The following NCOR2 variants were observed in gnomAD, a reference collection of about 807,000 sequenced individuals.
The protein encoded by NCOR2 is CTG repeat protein 26.
In NCOR2, 81 loss-of-function variants were observed where a neutral mutation model predicts 262.9. The observed-to-expected ratio is 0.31, with a 90% CI of 0.26 to 0.37. The LOEUF (loss-of-function observed/expected upper bound fraction) is 0.37, where lower values mean the gene tolerates loss of function less well. Ranked by LOEUF, NCOR2 falls within the 10% of genes least tolerant of loss-of-function variation. NCOR2 has a pLI of 1.00. For synonymous variants in NCOR2, 1,659 were observed against 1,559.3 expected (o/e 1.06, Z -1.51); for missense variants, 3,385 against 3,621.4 (o/e 0.93, Z 1.68).
At chr12:124,415,796 T>C (rs1176752236) in intron 13 of NCOR2, among the ~76,000 whole-genome samples, 1 of 152,136 alleles carries the variant, frequency 6.6e-6, no homozygotes, top group Non-Finnish European at 1.5e-5. Flanking sequence ...AAGAGGGGCA[T>C]GTTTCCTCCC....
intron 4 of NCOR2, among the ~76,000 whole-genome samples, chr12:124,469,322 T>TTTTACA (rs1377508975): frequency 6.6e-6 from 1 of 152,172 alleles, no homozygotes; most frequent in Non-Finnish European, 1.5e-5. Flanking sequence ...TCCAGGATGC[T>TTTTACA]GGCTTTTACA....
At chr12:124,337,793 G>C (rs2036018135) in intron 37 of NCOR2, among the ~76,000 whole-genome samples, 1 of 142,792 alleles carries the variant, frequency 7.0e-6, no homozygotes, top group African/African-American at 2.8e-5. Flanking sequence ...AGCTGCCCCT[G>C]CACAGGGCTG....
chr12:124,351,406 GGCTGTTAACA>G (rs1266101577), intron 27 of NCOR2, among the ~76,000 whole-genome samples: 3 of 152,174 alleles, frequency 2.0e-5, no homozygotes, highest in African/African-American at 7.2e-5. Context: ...GTGCACTGTG[GGCTGTTAACA>G]GCATCCCTGG....
intron 9 of NCOR2, 29 bp from the exon 12 acceptor site, chr12:124,429,735 C>G (rs774927994): frequency 1.5e-5 from 23 of 1,570,676 alleles, no homozygotes; most frequent in Non-Finnish European, 1.9e-5. Flanking sequence ...CACTCAGGAC[C>G]GGTCTTCTGG....
intron 1 of NCOR2, among the ~76,000 whole-genome samples, chr12:124,501,046 G>GCA (rs2048687766): frequency 1.6e-4 from 2 of 12,384 alleles, no homozygotes; most frequent in Non-Finnish European, 3.2e-4. Flanking sequence ...CACGGCACGA[G>GCA]CGCGCGCGCA....
chr12:124,382,359 ATGAGGG>A (rs2040473086), intron 17 of NCOR2, among the ~76,000 whole-genome samples: 1 of 152,090 alleles, frequency 6.6e-6, no homozygotes, highest in East Asian at 1.9e-4. Flanking sequence ...AGCCCGCGAT[ATGAGGG>A]TGCTCCTTCA....
intron 1 of NCOR2, among the ~76,000 whole-genome samples, chr12:124,547,767 T>A (rs903845353): frequency 2.0e-5 from 3 of 152,204 alleles, no homozygotes; most frequent in African/African-American, 7.2e-5. Context: ...GTACACTATG[T>A]GGCCTTGTGT....
At chr12:124,465,724 G>A (rs994882379) in intron 5 of NCOR2, among the ~76,000 whole-genome samples, 2 of 152,184 alleles carry the variant, frequency 1.3e-5, no homozygotes, top group Admixed American at 1.3e-4. Context: ...TAGGAAAATG[G>A]AAATGACACC....
chr12:124,515,992 G>A (rs1411983496), intron 1 of NCOR2, among the ~76,000 whole-genome samples: 1 of 152,176 alleles, frequency 6.6e-6, no homozygotes, highest in Non-Finnish European at 1.5e-5. Flanking sequence ...GGGCAGCCAC[G>A]ACACAGCTCT....
At chr12:124,360,602 G>T (rs34457329) in intron 22 of NCOR2, among the ~76,000 whole-genome samples, 1 of 152,024 alleles carries the variant, frequency 6.6e-6, no homozygotes, top group Non-Finnish European at 1.5e-5. Context: ...TCCACTGCCC[G>T]CTGTGGCCTG....
intron 16 of NCOR2, among the ~76,000 whole-genome samples, chr12:124,391,115 G>A (rs2041277064): frequency 6.6e-6 from 1 of 152,240 alleles, no homozygotes; most frequent in Admixed American, 6.5e-5. Flanking sequence ...GGCCTGTGCT[G>A]CCGCTCAGAT....
At chr12:124,326,268 G>A in exon 46 of NCOR2, 1 of 1,562,304 alleles carries the variant, frequency 6.4e-7, no homozygotes, top group Non-Finnish European at 8.6e-7. Flanking sequence ...CGAGTGCACT[G>A]AGGAGACAGA....
chr12:124,449,753 G>A (rs1349932854), intron 7 of NCOR2, 62 bp downstream of exon 9: 54 of 1,566,034 alleles, frequency 3.4e-5, no homozygotes, highest in Non-Finnish European at 4.6e-5. Flanking sequence ...CATGCAGGCT[G>A]CTGAGAGCCT....
At chr12:124,491,043 C>T (rs1419025235) in intron 1 of NCOR2, among the ~76,000 whole-genome samples, 1 of 152,238 alleles carries the variant, frequency 6.6e-6, no homozygotes, top group Non-Finnish European at 1.5e-5. Flanking sequence ...GCCAAGGCAG[C>T]AGCGTCCAGT....
intron 6 of NCOR2, among the ~76,000 whole-genome samples, chr12:124,451,086 A>G (rs1382696591): frequency 6.6e-6 from 1 of 152,262 alleles, no homozygotes; most frequent in Admixed American, 6.5e-5. Flanking sequence ...CACTTAGCAA[A>G]AGCAGAGGCT....
intron 1 of NCOR2, among the ~76,000 whole-genome samples, chr12:124,564,091 T>C (rs1236858254): frequency 6.6e-6 from 1 of 152,258 alleles, no homozygotes; most frequent in Non-Finnish European, 1.5e-5. Context: ...GCACGGTTCC[T>C]GGCACACAGT....
At chr12:124,485,414 C>G (rs1403451970) in intron 2 of NCOR2, among the ~76,000 whole-genome samples, 1 of 152,226 alleles carries the variant, frequency 6.6e-6, no homozygotes, top group Non-Finnish European at 1.5e-5. Context: ...GCAGCCACAG[C>G]TGAGGAACGC....
chr12:124,335,643 CG>C lies in NCOR2; in HGVS notation c.6116-12del. On this transcript the variant is annotated splice_polypyrimidine_tract_variant and intron_variant, in intron 38 of 46. Coordinates refer to ENST00000405201, the Ensembl canonical transcript of NCOR2. ...TGCTGCCGTGGTAACCTAGGGCAGG[CG>C]GGGGGTGCAGAGTCAGGCACCGGGC... 10 of 1,589,932 alleles carry C rather than the reference CG, an allele frequency of 6.3e-6. No homozygotes were observed. The highest frequency in any genetic ancestry group is 6.8e-6 in the Non-Finnish European group (8 of 1,171,480).
At chr12:124,341,684 GCCAC>G in intron 34 of NCOR2, 135 bp downstream of exon 36, 2 of 1,326,190 alleles carry the variant, frequency 1.5e-6, no homozygotes, top group Non-Finnish European at 2.0e-6. Flanking sequence ...ACAACCCCAG[GCCAC>G]CCACTCAGGT....
Sources: allele counts gnomAD v4.1 joint callset (sites outside exome capture counted in the v4.1 genomes callset), GRCh38; gene constraint gnomAD v4.1.1; transcripts MANE v1.5; gene names NCBI Gene and HGNC (gene_info 2026-07-23, HGNC 2026-07-21).